TMPO: variants seen among roughly 807,000 people sequenced by gnomAD.
The protein encoded by TMPO is thymopoietin.
TMPO carries 22 observed loss-of-function variants against 45.4 expected under a neutral mutation model. The ratio of observed to expected loss-of-function variants is 0.48; its 90% CI spans 0.35 to 0.69. The LOEUF is 0.69. Ranked by LOEUF, TMPO falls within the 30% of genes least tolerant of loss-of-function variation. The pLI is 0.01. For synonymous variants in TMPO, 241 were observed against 204.1 expected (o/e 1.18, Z -1.54); for missense variants, 512 against 548.8 (o/e 0.93, Z 0.67).
chr12:98,537,324 T>G (rs1810818581), intron 3 of TMPO, 151 bp from the exon 4 acceptor site: 1 of 628,188 alleles, frequency 1.6e-6, no homozygotes, highest in African/African-American at 1.8e-5. Flanking sequence ...CAAATTGCAG[T>G]TAAACAATTT....
intron 1 of TMPO, among the ~76,000 whole-genome samples, chr12:98,521,461 A>C (rs1212067114): frequency 2.6e-5 from 4 of 152,172 alleles, no homozygotes; most frequent in East Asian, 3.9e-4. Flanking sequence ...TTCAGCTTCT[A>C]CCATAGTCTC....
At chr12:98,530,822 G>A (rs1185150128) in intron 2 of TMPO, among the ~76,000 whole-genome samples, 1 of 152,230 alleles carries the variant, frequency 6.6e-6, no homozygotes, top group Admixed American at 6.5e-5. Context: ...TTACGTAGTA[G>A]TAGAGAAAAT....
chr12:98,523,666 T>C (rs1876549346), intron 1 of TMPO, among the ~76,000 whole-genome samples: 1 of 152,206 alleles, frequency 6.6e-6, no homozygotes, highest in Non-Finnish European at 1.5e-5. Flanking sequence ...GGAAATATAA[T>C]TGATTTTCTT....
At position 98,515,917 on chromosome 12, in the gene TMPO, A is replaced by C; in HGVS notation, c.50A>C (p.Lys17Thr). 6.2e-7 allele frequency: 1 copy of C among 1,613,734 alleles called. No homozygotes were observed. Among genetic ancestry groups the C allele is most frequent in the Non-Finnish European group, 8.5e-7 (1 of 1,179,840 alleles). ...TCGGTCCTGACAAAAGACAAGTTGA[A>C]GAGTGAGTTGGTCGCCAACAATGTG... ...DPSVLTKDKL[K>T]SELVANNVTL... Residue 17 changes from lysine (K) to threonine (T), a missense_variant, in exon 1 of 9, where the codon AAG becomes ACG. By Grantham distance (78) the Lys-to-Thr change is moderately conservative. Around this residue, in one of 3 missense-constraint regions of TMPO, gnomAD observed 299 missense variants for 296.7 expected, o/e 1.01. Transcript: ENST00000556029.
chr12:98,540,472 A>T (rs1479608271), intron 4 of TMPO, among the ~76,000 whole-genome samples: 2 of 152,234 alleles, frequency 1.3e-5, no homozygotes, highest in East Asian at 3.9e-4. Context: ...TCTGCCTCCC[A>T]AGTTCAAGCG....
intron 1 of TMPO, among the ~76,000 whole-genome samples, chr12:98,524,405 C>T (rs1314151922): frequency 6.6e-6 from 1 of 152,090 alleles, no homozygotes; most frequent in Non-Finnish European, 1.5e-5. Context: ...AACCCTGTCT[C>T]TACTGAAAGT....
In TMPO at chr12:98,531,899, A is replaced by G. The variant is rs561906582; in HGVS notation, c.565+61A>G. The G allele has an allele frequency of 2.4e-5, 34 of 1,441,160 alleles. No individual in the cohort carries two copies. The South Asian group carries it at 3.6e-4, about 15-fold the overall frequency. The allele number at this position is 1,441,160 out of a possible 1,614,324, so 89.3% of individuals were successfully genotyped here. ...ATTTTTTCACACTCAAAATTCAGTG[A>G]CCATGAAGAAAGTAAAATTTAAAAC... On this transcript the variant is annotated intron_variant, in intron 3 of 8. Coordinates refer to ENST00000556029, the MANE Select transcript of TMPO (RefSeq NM_001032283.3).
intron 2 of TMPO, among the ~76,000 whole-genome samples, chr12:98,529,603 T>G (rs1196632617): frequency 1.3e-5 from 2 of 151,600 alleles, no homozygotes; most frequent in South Asian, 4.2e-4. Flanking sequence ...TTTGCTCTGT[T>G]GTCCACGCTG....
In TMPO at chr12:98,549,081, A is replaced by T. The variant is rs1878386111; in HGVS notation, c.*1223A>T. 6.6e-6 allele frequency: 1 copy of T among 152,266 alleles called. No homozygotes were observed. Among genetic ancestry groups the T allele is most frequent in the African/African-American group, 2.4e-5 (1 of 41,442 alleles). The allele number at this position is 152,266 out of a possible 1,614,324, so 9.4% of individuals were successfully genotyped here. Reference sequence around the variant, plus strand: ...GGTTGCAGTGAGCAGAGATTACGTCACTGCACTGTAGCCTGGCGACAGAGC... The same window carrying T: ...GGTTGCAGTGAGCAGAGATTACGTCTCTGCACTGTAGCCTGGCGACAGAGC... On this transcript the variant is annotated 3_prime_UTR_variant, in exon 9 of 9. Transcript: ENST00000556029.
intron 3 of TMPO, 95 bp from the exon 4 acceptor site, chr12:98,537,380 T>A (rs1877635669): frequency 9.9e-7 from 1 of 1,006,602 alleles, no homozygotes; most frequent in Non-Finnish European, 1.5e-6. Context: ...CACCTTTTAA[T>A]GTGCCTAAAA....
intron 4 of TMPO, 34 bp downstream of exon 4, chr12:98,537,606 A>G (rs764619141): frequency 6.7e-7 from 1 of 1,490,764 alleles, no homozygotes; most frequent in Non-Finnish European, 9.3e-7. Context: ...GTGTACAGGT[A>G]TAAATAACCT....
intron 1 of TMPO, among the ~76,000 whole-genome samples, chr12:98,522,448 G>A (rs567830500): frequency 6.6e-6 from 1 of 152,322 alleles, no homozygotes; most frequent in South Asian, 2.1e-4. Context: ...ACAGACTTGT[G>A]AATAATAGAG....
rs780119963 is a variant in TMPO at position 98,516,050 on chromosome 12, G to C, written c.183G>C (p.Gly61=). The change falls in exon 1 of 9, where the codon GGG becomes GGC. Residue 61 remains glycine (G), a synonymous_variant. Transcript: ENST00000556029. ...TCCCCGCCGGCACCAACAGCAAGGG[G>C]CCCCCGGACTTCTCCAGTGACGAAG... The part of the protein sequence containing the change: ...PPLPAGTNSK[G]PPDFSSDEER... 1 of 1,610,802 alleles carries C rather than the reference G, an allele frequency of 6.2e-7. No homozygotes were observed. The highest frequency in any genetic ancestry group is 1.1e-5 in the South Asian group (1 of 91,008).
chr12:98,541,749 A>G (rs1877926081), intron 4 of TMPO, among the ~76,000 whole-genome samples: 1 of 152,186 alleles, frequency 6.6e-6, no homozygotes, highest in African/African-American at 2.4e-5. Flanking sequence ...AAAATAAGGT[A>G]GAGTCAGAAT....
chr12:98,534,261 G>T, intron 3 of TMPO: 1 of 1,613,640 alleles, frequency 6.2e-7, no homozygotes, highest in African/African-American at 1.3e-5. Flanking sequence ...AGAATAAGCT[G>T]GCTTCCACTC....
In TMPO at chr12:98,548,532, A is replaced by G. The variant is rs939534175; in HGVS notation, c.*674A>G. 1 of 152,396 alleles carries G rather than the reference A, an allele frequency of 6.6e-6. No homozygotes were observed. The highest frequency in any genetic ancestry group is 1.5e-5 in the Non-Finnish European group (1 of 68,074). The allele number at this position is 152,396 out of a possible 1,614,324, so 9.4% of individuals were successfully genotyped here. On this transcript the variant is annotated 3_prime_UTR_variant, in exon 9 of 9. Transcript: ENST00000556029. ...TTTAGCAGAGATCTTTTAGTGTAACATACATATTTTAGAGAATTGTTGGCT... is the reference window on the plus strand; with the variant it reads ...TTTAGCAGAGATCTTTTAGTGTAACGTACATATTTTAGAGAATTGTTGGCT...
intron 7 of TMPO, 118 bp downstream of exon 7, chr12:98,545,179 G>C (rs1302415922): frequency 1.4e-6 from 1 of 704,646 alleles, no homozygotes; most frequent in Non-Finnish European, 2.4e-6. Context: ...TTCTTTATTG[G>C]GTGGTGTGTG....
chr12:98,543,796 A>C (rs369448147), intron 4 of TMPO, among the ~76,000 whole-genome samples: 5 of 152,368 alleles, frequency 3.3e-5, no homozygotes, highest in African/African-American at 1.2e-4. Flanking sequence ...AATAATGTTT[A>C]TGCTAACAAT....
chr12:98,521,099 A>ATT lies in TMPO; in HGVS notation c.279+4953_279+4954insTT, dbSNP rs1565804759. ...TCTATTTAATCATGGGTTTATGAGG[A>ATT]ATTTTTTTTTTTTTTTTTTTTTTTT... On this transcript the variant is annotated intron_variant, in intron 1 of 8. Transcript: ENST00000556029. 9.4e-4 allele frequency among the ~76,000 whole-genome samples: 87 copies of ATT among 93,036 alleles called. 3 individuals carry two copies. The highest frequency in any genetic ancestry group is 3.1e-3 in the African/African-American group (76 of 24,800). 61.0% of individuals were successfully genotyped at this position (93,036 alleles called of 152,430 possible). A position where few individuals can be genotyped will look rare whatever the true frequency, so the allele number is the denominator to read the frequency against.
Sources: gnomAD v4.1 joint callset for allele counts (sites outside exome capture counted in the v4.1 genomes callset) on GRCh38, gnomAD v4.1.1 for gene constraint, gnomAD v4.1.1 regional missense constraint, MANE v1.5 for transcripts, NCBI Gene and HGNC (gene_info 2026-07-23, HGNC 2026-07-21) for gene names.